Variants in RCAN3 observed in about 807,000 individuals in gnomAD.
RCAN3 encodes the protein calcipressin-3.
A neutral mutation model predicts 21.9 loss-of-function variants in RCAN3; 19 were observed. The observed-to-expected ratio is 0.87, with a 90% CI of 0.61 to 1.27. RCAN3 has a LOEUF of 1.27. Ranked by LOEUF, RCAN3 falls within the 50% of genes most tolerant of loss-of-function variation. The probability of loss-of-function intolerance (pLI) is 0.00; values close to 1 mark genes in which losing one functional copy is unlikely to be tolerated. For synonymous variants in RCAN3, 114 were observed against 112.3 expected (o/e 1.01, Z -0.09); for missense variants, 240 against 300.1 (o/e 0.80, Z 1.48).
upstream of RCAN3, chr1:24,502,769 G>T (rs1433407384): frequency 6.6e-6 from 1 of 150,984 alleles, no homozygotes; most frequent in Non-Finnish European, 1.5e-5. Flanking sequence ...CCCCCGCCCC[G>T]GTCCCCGCCC....
intron 2 of RCAN3, among the ~76,000 whole-genome samples, chr1:24,519,014 G>C (rs191359307): frequency 7.9e-5 from 12 of 152,186 alleles, no homozygotes; most frequent in Admixed American, 2.0e-4. Flanking sequence ...GACCTCAGAT[G>C]ATCTGCCTGC....
In RCAN3 at chr1:24,540,332, G is replaced by A. The variant is rs1346541252; in HGVS notation, c.*5055G>A. ...AGATCTTTCACTAAATTCGTTATGT[G>A]GTCTGTCTGGATGTAAACCTATATA... On this transcript the variant is annotated 3_prime_UTR_variant, in exon 5 of 5. Transcript: ENST00000374395. 1 of 152,342 alleles carries A rather than the reference G, an allele frequency of 6.6e-6. No individual in the cohort carries two copies. The highest frequency in any genetic ancestry group is 2.4e-5 in the African/African-American group (1 of 41,428). The allele number at this position is 152,342 out of a possible 1,614,324, so 9.4% of individuals were successfully genotyped here.
intron 2 of RCAN3, among the ~76,000 whole-genome samples, chr1:24,519,189 G>C (rs1218507850): frequency 1.3e-5 from 2 of 151,406 alleles, no homozygotes; most frequent in African/African-American, 4.9e-5. Flanking sequence ...GTTATTACAG[G>C]CGTGAGCCAC....
chr1:24,531,508 A>C, intron 3 of RCAN3, 117 bp downstream of exon 3: 1 of 594,478 alleles, frequency 1.7e-6, no homozygotes, highest in Non-Finnish European at 2.6e-6. Flanking sequence ...GAACCATCTC[A>C]ATCAGCAAAT....
At chr1:24,523,648 A>AT (rs1553151346) in intron 2 of RCAN3, among the ~76,000 whole-genome samples, 18,413 of 139,682 alleles carry the variant, frequency 0.13, 1,236 homozygotes, top group African/African-American at 0.16. Flanking sequence ...ACACATATAT[A>AT]TTTTTTTTCT....
intron 2 of RCAN3, among the ~76,000 whole-genome samples, chr1:24,528,865 A>G: frequency 6.6e-6 from 1 of 152,224 alleles, no homozygotes; most frequent in East Asian, 1.9e-4. Flanking sequence ...CATGTTTATA[A>G]TACTGTACCA....
chr1:24,532,723 C>T (rs193233482), intron 3 of RCAN3, among the ~76,000 whole-genome samples: 14 of 150,614 alleles, frequency 9.3e-5, no homozygotes, highest in Admixed American at 3.3e-4. Flanking sequence ...CCAAGGTGGG[C>T]GGATGATGAA....
intron 2 of RCAN3, among the ~76,000 whole-genome samples, chr1:24,518,250 T>C (rs572529401): frequency 6.6e-6 from 1 of 152,306 alleles, no homozygotes; most frequent in Admixed American, 6.5e-5. Flanking sequence ...TTCCGAATAG[T>C]AGAATAAATA....
intron 1 of RCAN3, among the ~76,000 whole-genome samples, chr1:24,506,027 G>A (rs1181870019): frequency 6.6e-6 from 1 of 152,146 alleles, no homozygotes; most frequent in East Asian, 1.9e-4. Context: ...TTTCCATGAA[G>A]AAACAATTTG....
At chr1:24,517,451 T>A (rs1439183919) in intron 2 of RCAN3, among the ~76,000 whole-genome samples, 1 of 152,142 alleles carries the variant, frequency 6.6e-6, no homozygotes, top group Non-Finnish European at 1.5e-5. Context: ...TTTTTAACTG[T>A]AGCCTGGGAA....
chr1:24,532,972 AAAAG>A (rs1649901951), intron 3 of RCAN3, 107 bp from the exon 4 acceptor site: 3 of 734,190 alleles, frequency 4.1e-6, no homozygotes, highest in Non-Finnish European at 3.7e-6. Context: ...AAAAAAAAAA[AAAAG>A]AAATGTTTAA....
chr1:24,534,708 G>A (rs1217656888), intron 4 of RCAN3, among the ~76,000 whole-genome samples: 1 of 152,208 alleles, frequency 6.6e-6, no homozygotes, highest in Non-Finnish European at 1.5e-5. Flanking sequence ...GCTAAGGCAG[G>A]AGAATCGCTT....
intron 2 of RCAN3, among the ~76,000 whole-genome samples, chr1:24,521,156 A>C (rs1485523217): frequency 6.6e-6 from 1 of 152,250 alleles, no homozygotes; most frequent in Non-Finnish European, 1.5e-5. Context: ...GAACCTTTGT[A>C]TATATGGTCA....
chr1:24,524,828 G>GTTTTTTTTTTTTTT (rs5773091), intron 2 of RCAN3, among the ~76,000 whole-genome samples: 1 of 127,230 alleles, frequency 7.9e-6, no homozygotes, highest in Non-Finnish European at 1.6e-5. Context: ...GTTTTCTTTT[G>GTTTTTTTTTTTTTT]TTTTTTTTTT....
intron 2 of RCAN3, among the ~76,000 whole-genome samples, chr1:24,519,344 G>A (rs1186413043): frequency 6.6e-6 from 1 of 151,882 alleles, no homozygotes; most frequent in Non-Finnish European, 1.5e-5. Context: ...GATCCACCAT[G>A]CCTGACCCCT....
In RCAN3 at chr1:24,536,877, T is replaced by C. The variant is rs1650265614; in HGVS notation, c.*1600T>C. On this transcript the variant is annotated 3_prime_UTR_variant, in exon 5 of 5. Transcript: ENST00000374395. ...CTGAGGTGATAAACTGTTCCAGTTG[T>C]AGCCAACTACCACTGCTAGGCCTCA... 1 of 152,174 alleles carries C rather than the reference T, an allele frequency of 6.6e-6. No individual in the cohort carries two copies. Among genetic ancestry groups the C allele is most frequent in the African/African-American group, 2.4e-5 (1 of 41,434 alleles). 9.4% of individuals were successfully genotyped at this position (152,174 alleles called of 1,614,324 possible).
intron 2 of RCAN3, among the ~76,000 whole-genome samples, chr1:24,526,598 G>C (rs1050787417): frequency 6.6e-6 from 1 of 152,160 alleles, no homozygotes; most frequent in African/African-American, 2.4e-5. Flanking sequence ...AATTCGTTGT[G>C]GGGGGCTAGG....
rs1302434001 is a variant in RCAN3, at chr1:24,514,529, A to G, written c.157A>G (p.Ser53Gly). 6.2e-7 allele frequency: 1 copy of G among 1,614,128 alleles called. No individual in the cohort carries two copies. The highest frequency in any genetic ancestry group is 8.5e-7 in the Non-Finnish European group (1 of 1,180,012). Residue 53 changes from serine to glycine, a missense_variant, in exon 2 of 5, where the codon AGC (serine) becomes GGC (glycine). By Grantham distance (56) the Ser-to-Gly change is moderately conservative. Transcript: ENST00000374395. ...SDLPTSLFAC[S>G]VHEAVFEARE... ...TCTGCCTACCTCACTTTTTGCTTGC[A>G]GCGTCCATGAAGCAGTGTTTGAGGC...
intron 2 of RCAN3, among the ~76,000 whole-genome samples, chr1:24,518,730 C>G (rs1435156222): frequency 1.3e-5 from 2 of 151,372 alleles, no homozygotes; most frequent in African/African-American, 4.9e-5. Flanking sequence ...GTAGCTGGGA[C>G]TATAGGCATG....
Sources: gnomAD v4.1 joint callset for allele counts (sites outside exome capture counted in the v4.1 genomes callset) on GRCh38, gnomAD v4.1.1 for gene constraint, MANE v1.5 for transcripts, NCBI Gene and HGNC (gene_info 2026-07-23, HGNC 2026-07-21) for gene names.